The following RIT2 variants were observed in gnomAD, a reference collection of about 807,000 sequenced individuals.
The protein encoded by RIT2 is Ras like without CAAX 2.
Under a neutral mutation model 23.7 loss-of-function variants are expected in RIT2, and 24 were observed. The observed-to-expected ratio is 1.01, with a 90% CI of 0.73 to 1.43. The LOEUF (loss-of-function observed/expected upper bound fraction) is 1.43, where lower values mean the gene tolerates loss of function less well. Ranked by LOEUF, RIT2 falls within the 40% of genes most tolerant of loss-of-function variation. The pLI, the probability that RIT2 is intolerant of heterozygous loss-of-function variation, is 0.00. For synonymous variants in RIT2, 107 were observed against 91.1 expected, an observed-to-expected ratio of 1.17 and a Z score of -0.99; for missense variants, 236 against 266.9, an observed-to-expected ratio of 0.88 and a Z score of 0.81.
chr18:42,887,557 G>A (rs184686338), intron 4 of RIT2, among the ~76,000 whole-genome samples: 6 of 152,140 alleles, frequency 3.9e-5, no homozygotes, highest in South Asian at 2.1e-4. Context: ...GGTGGAAGAG[G>A]GGGGAGGATG....
chr18:43,071,764 C>T (rs2144336027), intron 1 of RIT2, among the ~76,000 whole-genome samples: 1 of 151,982 alleles, frequency 6.6e-6, no homozygotes, highest in African/African-American at 2.4e-5. Flanking sequence ...TATAATTTTA[C>T]CTTCTTTATT....
intron 1 of RIT2, among the ~76,000 whole-genome samples, chr18:43,059,549 C>G (rs1453844391): frequency 6.6e-6 from 1 of 152,112 alleles, no homozygotes; most frequent in African/African-American, 2.4e-5. Flanking sequence ...GTTCACTTAT[C>G]TCTCCATCTA....
At chr18:43,048,120 G>A (rs1568066492) in intron 1 of RIT2, among the ~76,000 whole-genome samples, 6 of 152,090 alleles carry the variant, frequency 3.9e-5, no homozygotes, top group Admixed American at 3.9e-4. Flanking sequence ...ACAATTCCAT[G>A]GAGACATTTT....
In RIT2 at chr18:43,105,378, T is replaced by C. The variant is rs540602742; in HGVS notation, c.103+10039A>G. ...ATTTTCCTAGGACCTATCTGAAATA[T>C]GTGTCACTACTCTTCCCTATGTTAC... On this transcript the variant is annotated intron_variant, in intron 1 of 4. Coordinates refer to ENST00000326695, the MANE Select transcript of RIT2 (RefSeq NM_002930.4). 2.8e-5 allele frequency among the ~76,000 whole-genome samples: 4 copies of C among 144,388 alleles called. No individual in the cohort carries two copies. In the East Asian group the frequency reaches 8.0e-4, roughly 29 times the overall value. 94.7% of individuals were successfully genotyped at this position (144,388 alleles called of 152,430 possible).
intron 2 of RIT2, among the ~76,000 whole-genome samples, chr18:43,007,192 A>G (rs2144249541): frequency 6.6e-6 from 1 of 151,818 alleles, no homozygotes; most frequent in East Asian, 1.9e-4. Context: ...CACATAACTG[A>G]TAAGATGTTG....
At chr18:43,028,378 A>T (rs923683002) in intron 2 of RIT2, among the ~76,000 whole-genome samples, 1 of 151,934 alleles carries the variant, frequency 6.6e-6, no homozygotes, top group Admixed American at 6.6e-5. Context: ...GGCAGAGAAG[A>T]GGTTGCTTGG....
intron 3 of RIT2, among the ~76,000 whole-genome samples, chr18:42,968,486 C>G (rs2144196664): frequency 6.6e-6 from 1 of 152,104 alleles, no homozygotes; most frequent in East Asian, 1.9e-4. Flanking sequence ...CCCATTTTCC[C>G]CAAGATCAAA....
chr18:42,879,944 A>C (rs573546164), intron 4 of RIT2, among the ~76,000 whole-genome samples: 11 of 152,186 alleles, frequency 7.2e-5, no homozygotes, highest in Non-Finnish European at 1.6e-4. Context: ...CACTAGCTCC[A>C]GTCTCTGTAT....
At chr18:42,854,284 A>G (rs1907128323) in intron 4 of RIT2, among the ~76,000 whole-genome samples, 1 of 152,178 alleles carries the variant, frequency 6.6e-6, no homozygotes, top group Admixed American at 6.5e-5. Context: ...ATATAACCTT[A>G]GTTTGATTGT....
At chr18:43,037,915 T>C (rs975033599) in intron 1 of RIT2, among the ~76,000 whole-genome samples, 2 of 152,090 alleles carry the variant, frequency 1.3e-5, no homozygotes, top group African/African-American at 4.8e-5. Flanking sequence ...TTGAAATTAA[T>C]AGTTTCAGGC....
intron 1 of RIT2, among the ~76,000 whole-genome samples, chr18:43,098,485 T>G (rs542163058): frequency 1.3e-5 from 2 of 152,000 alleles, no homozygotes; most frequent in East Asian, 3.9e-4. Flanking sequence ...AAATAATAAA[T>G]GCTTTTATTG....
intron 2 of RIT2, among the ~76,000 whole-genome samples, chr18:43,026,947 T>C (rs1353632406): frequency 1.3e-5 from 2 of 152,064 alleles, no homozygotes; most frequent in African/African-American, 4.8e-5. Flanking sequence ...ATGCTGAGTC[T>C]TAGGTAAACA....
chr18:42,976,103 G>C (rs560942896), intron 2 of RIT2, among the ~76,000 whole-genome samples: 126 of 151,838 alleles, frequency 8.3e-4, no homozygotes, highest in Non-Finnish European at 1.5e-3. Context: ...TTCAATTGTT[G>C]GTTTCTAGTT....
intron 2 of RIT2, among the ~76,000 whole-genome samples, chr18:43,007,493 G>GT (rs1429676188): frequency 9.9e-5 from 15 of 151,752 alleles, no homozygotes; most frequent in African/African-American, 3.6e-4. Context: ...CAAACCAGAG[G>GT]TTTTTGAGAA....
chr18:43,115,554 A>G lies in RIT2; in HGVS notation c.-35T>C. The G allele has an allele frequency of 1.9e-6, 3 of 1,600,284 alleles. No individual in the cohort carries two copies. The highest frequency in any genetic ancestry group is 1.1e-5 in the South Asian group (1 of 88,938). ...GGGACCGGAGGAAAAAAAGAAGGAG[A>G]AAGTCACCCGTGTCAGGTGCTTGCT... On this transcript the variant is annotated 5_prime_UTR_variant, in exon 1 of 5. Coordinates refer to ENST00000326695, the MANE Select transcript of RIT2 (RefSeq NM_002930.4).
intron 4 of RIT2, among the ~76,000 whole-genome samples, chr18:42,789,116 T>C (rs1354358454): frequency 1.3e-5 from 2 of 152,196 alleles, no homozygotes; most frequent in East Asian, 3.8e-4. Flanking sequence ...AATAATAAAA[T>C]GCCCGCTAGT....
intron 3 of RIT2, among the ~76,000 whole-genome samples, chr18:42,935,047 T>C (rs1275157067): frequency 2.0e-5 from 3 of 146,364 alleles, no homozygotes; most frequent in East Asian, 4.4e-4. Flanking sequence ...CATCAACAAA[T>C]AGAAAAAGTC....
intron 1 of RIT2, among the ~76,000 whole-genome samples, chr18:43,050,629 C>T (rs1912357842): frequency 6.6e-6 from 1 of 152,106 alleles, no homozygotes; most frequent in Admixed American, 6.6e-5. Flanking sequence ...ACGGAATCCC[C>T]TTCTGTCCTC....
At chr18:42,948,316 G>A (rs1442265751) in intron 3 of RIT2, among the ~76,000 whole-genome samples, 1 of 152,032 alleles carries the variant, frequency 6.6e-6, no homozygotes, top group Non-Finnish European at 1.5e-5. Flanking sequence ...GAGGGGAGGT[G>A]TGGCGGTTCC....
Sources: gnomAD v4.1 joint callset for allele counts (sites outside exome capture counted in the v4.1 genomes callset) on GRCh38, gnomAD v4.1.1 for gene constraint, MANE v1.5 for transcripts, NCBI Gene and HGNC (gene_info 2026-07-23, HGNC 2026-07-21) for gene names.